The following EYS variants were observed in gnomAD, a reference collection of about 807,000 sequenced individuals.
The protein encoded by EYS is protein eyes shut homolog.
A neutral mutation model predicts 282.1 loss-of-function variants in EYS; 250 were observed. The ratio of observed to expected loss-of-function variants is 0.89; its 90% CI spans 0.80 to 0.98. The LOEUF (loss-of-function observed/expected upper bound fraction) is 0.98, where lower values mean the gene tolerates loss of function less well. EYS is among the 50% of genes least tolerant of loss of function. EYS has a pLI of 0.00. For synonymous variants in EYS, 1,355 were observed against 1,282.9 expected (o/e 1.06, Z -1.20); for missense variants, 4,016 against 3,709.0 (o/e 1.08, Z -2.15).
intron 12 of EYS, among the ~76,000 whole-genome samples, chr6:65,275,587 C>A (rs1768023293): frequency 6.6e-6 from 1 of 152,144 alleles, no homozygotes; most frequent in African/African-American, 2.4e-5. Flanking sequence ...AGACTTAGGC[C>A]AGGTTGTTCC....
At chr6:65,210,692 A>G (rs1766152607) in intron 12 of EYS, among the ~76,000 whole-genome samples, 1 of 152,008 alleles carries the variant, frequency 6.6e-6, no homozygotes, top group South Asian at 2.1e-4. Flanking sequence ...ATGAATAAAA[A>G]GATAATGGGG....
chr6:65,197,920 A>T (rs375965844), intron 12 of EYS, among the ~76,000 whole-genome samples: 2 of 151,882 alleles, frequency 1.3e-5, no homozygotes, highest in African/African-American at 2.4e-5. Context: ...GGCTACATTA[A>T]TTTTTTTTCT....
chr6:63,876,945 A>G (rs999965325), intron 35 of EYS, among the ~76,000 whole-genome samples: 1 of 152,122 alleles, frequency 6.6e-6, no homozygotes, highest in Non-Finnish European at 1.5e-5. Flanking sequence ...GTGTCTTTTA[A>G]TTGGAGCATT....
intron 24 of EYS, among the ~76,000 whole-genome samples, chr6:64,599,474 G>T (rs1052297997): frequency 1.1e-4 from 17 of 152,182 alleles, no homozygotes; most frequent in Middle Eastern, 3.4e-3. Context: ...CAATAAAATA[G>T]AAATAAAAAT....
chr6:65,526,218 G>A (rs1767555888), intron 2 of EYS, among the ~76,000 whole-genome samples: 1 of 152,054 alleles, frequency 6.6e-6, no homozygotes, highest in African/African-American at 2.4e-5. Flanking sequence ...ATCTTCCAAT[G>A]GCATCAAATC....
At chr6:64,093,070 G>T (rs1354874310) in intron 31 of EYS, among the ~76,000 whole-genome samples, 5 of 152,124 alleles carry the variant, frequency 3.3e-5, no homozygotes, top group Admixed American at 1.3e-4. Context: ...TTGTAGATAT[G>T]TGGCATTATT....
chr6:64,495,515 G>A (rs115988860), intron 26 of EYS, among the ~76,000 whole-genome samples: 2,477 of 151,870 alleles, frequency 0.016, 23 homozygotes, highest in South Asian at 0.035. Context: ...TCTTAAATGA[G>A]TGAGACCAAT....
intron 2 of EYS, among the ~76,000 whole-genome samples, chr6:65,501,641 A>T (rs1766454468): frequency 1.3e-5 from 2 of 151,796 alleles, no homozygotes; most frequent in Admixed American, 1.3e-4. Context: ...TATCATTTCA[A>T]TTTCAATTAT....
chr6:64,524,593 G>A (rs886787314), intron 26 of EYS, among the ~76,000 whole-genome samples: 1 of 151,744 alleles, frequency 6.6e-6, no homozygotes, highest in African/African-American at 2.4e-5. Flanking sequence ...GTCTTCTAGG[G>A]TTTTTATAGT....
chr6:65,284,731 A>C (rs1197597130), intron 12 of EYS, among the ~76,000 whole-genome samples: 1 of 152,118 alleles, frequency 6.6e-6, no homozygotes, highest in Non-Finnish European at 1.5e-5. Flanking sequence ...CAAGTATGGA[A>C]GAATAAACAG....
intron 7 of EYS, among the ~76,000 whole-genome samples, chr6:65,392,052 G>A (rs1252267139): frequency 2.6e-5 from 4 of 152,044 alleles, no homozygotes; most frequent in Non-Finnish European, 5.9e-5. Flanking sequence ...ACAAACCTGA[G>A]AGAAACAAGC....
At chr6:65,111,085 G>A (rs752471340) in intron 12 of EYS, among the ~76,000 whole-genome samples, 1 of 151,560 alleles carries the variant, frequency 6.6e-6, no homozygotes, top group Non-Finnish European at 1.5e-5. Flanking sequence ...AAATATTAAC[G>A]AAATAAGACT....
rs375420885 is a variant in EYS, at chr6:63,828,303, AAAGAT to A, written c.7229-21936_7229-21932del. Among the ~76,000 whole-genome samples, 57 of 152,350 alleles carry A rather than the reference AAAGAT, an allele frequency of 3.7e-4. No individual in the cohort carries two copies. The East Asian group carries it at 0.01, about 28-fold the overall frequency. ...ATGAAATGAAAAGCTGGTTCTTTGAAAAGATAAGTAAAATTGATAGACCATTAGCA... is the reference window on the plus strand; with the variant it reads ...ATGAAATGAAAAGCTGGTTCTTTGAAAAGTAAAATTGATAGACCATTAGCA... On this transcript the variant is annotated intron_variant, in intron 36 of 42. Transcript: ENST00000503581.
chr6:64,800,307 C>T (rs1774498103), intron 22 of EYS, among the ~76,000 whole-genome samples: 1 of 151,994 alleles, frequency 6.6e-6, no homozygotes, highest in African/African-American at 2.4e-5. Context: ...AAAGTACTAT[C>T]AACCTAGACT....
intron 19 of EYS, among the ~76,000 whole-genome samples, chr6:64,884,652 G>T (rs560919924): frequency 4.0e-4 from 61 of 151,496 alleles, no homozygotes; most frequent in Non-Finnish European, 4.6e-4. Flanking sequence ...ATCTGTCCAT[G>T]TATGAAAGAG....
chr6:64,682,935 C>A (rs1225899799), intron 22 of EYS, among the ~76,000 whole-genome samples: 1 of 152,132 alleles, frequency 6.6e-6, no homozygotes, highest in Non-Finnish European at 1.5e-5. Context: ...GGATTCACAG[C>A]CAGTAACTCG....
At position 64,989,941 on chromosome 6, in the gene EYS, C is replaced by G. The variant is rs548263297; in HGVS notation, c.2259+7641G>C. Reference sequence around the variant, plus strand: ...GCTCTATTTATCGTAGGATGGTTGGCAGAAGACTAAAGAACAGAGATACAC... The same window carrying G: ...GCTCTATTTATCGTAGGATGGTTGGGAGAAGACTAAAGAACAGAGATACAC... On this transcript the variant is annotated intron_variant, in intron 14 of 42. Coordinates refer to ENST00000503581, the MANE Select transcript of EYS (RefSeq NM_001142800.2). 2.7e-5 allele frequency among the ~76,000 whole-genome samples: 4 copies of G among 150,824 alleles called. No individual in the cohort carries two copies. The South Asian group carries it at 8.3e-4, about 31-fold the overall frequency.
chr6:65,149,316 C>A (rs927534782), intron 12 of EYS, among the ~76,000 whole-genome samples: 3 of 152,086 alleles, frequency 2.0e-5, no homozygotes, highest in African/African-American at 7.2e-5. Context: ...TTCCACAGAT[C>A]TCTAGGGCAG....
At chr6:65,232,067 A>C (rs1766796930) in intron 12 of EYS, among the ~76,000 whole-genome samples, 1 of 151,978 alleles carries the variant, frequency 6.6e-6, no homozygotes, top group African/African-American at 2.4e-5. Context: ...TAAGTAAAAA[A>C]GCAGGTCTGT....
Sources: allele counts gnomAD v4.1 joint callset (sites outside exome capture counted in the v4.1 genomes callset), GRCh38; gene constraint gnomAD v4.1.1; transcripts MANE v1.5; gene names NCBI Gene and HGNC (gene_info 2026-07-23, HGNC 2026-07-21).